Variants in WASHC5 observed in about 807,000 individuals in gnomAD.
WASHC5 encodes WASH complex subunit 5, also known as WASH complex subunit strumpellin.
A neutral mutation model predicts 150.4 loss-of-function variants in WASHC5; 101 were observed. That is an observed-to-expected ratio of 0.67 (90% CI 0.57 to 0.79). The LOEUF (loss-of-function observed/expected upper bound fraction) is 0.79, where lower values mean the gene tolerates loss of function less well. Among genes scored for constraint, WASHC5 ranks in the 30% least tolerant of loss-of-function variants. WASHC5 has a pLI of 0.00. For synonymous variants in WASHC5, 467 were observed against 491.2 expected (o/e 0.95, Z 0.65); for missense variants, 1,195 against 1,396.3 (o/e 0.86, Z 2.30).
chr8:125,042,925 C>A (rs1303800657), intron 23 of WASHC5, among the ~76,000 whole-genome samples: 2 of 152,168 alleles, frequency 1.3e-5, no homozygotes, highest in African/African-American at 4.8e-5. Flanking sequence ...GGCTAAGATA[C>A]CAATGAGTGC....
chr8:125,080,382 C>T (rs780319851), intron 5 of WASHC5, among the ~76,000 whole-genome samples: 42 of 152,122 alleles, frequency 2.8e-4, no homozygotes, highest in Non-Finnish European at 4.6e-4. Flanking sequence ...GTTAAAACAG[C>T]TTGGTCAAAC....
chr8:125,050,799 C>T (rs540786686), intron 17 of WASHC5, 134 bp from the exon 18 acceptor site: 1 of 701,920 alleles, frequency 1.4e-6, no homozygotes, highest in East Asian at 2.7e-5. Flanking sequence ...GAATTTTTTC[C>T]TTTCCTGTCC....
At chr8:125,084,350 A>G (rs558480021) in intron 1 of WASHC5, among the ~76,000 whole-genome samples, 7 of 152,194 alleles carry the variant, frequency 4.6e-5, no homozygotes, top group Non-Finnish European at 1.0e-4. Flanking sequence ...ATCTCCTACT[A>G]TTTGATATAT....
At position 125,084,037 on chromosome 8, in the gene WASHC5, A is replaced by G; in HGVS notation, c.-124-15T>C. 1.3e-6 allele frequency: 1 copy of G among 784,408 alleles called. No individual in the cohort carries two copies. The highest frequency in any genetic ancestry group is 2.7e-5 in the East Asian group (1 of 37,158). 48.6% of individuals were successfully genotyped at this position (784,408 alleles called of 1,614,324 possible). On this transcript the variant is annotated splice_polypyrimidine_tract_variant and intron_variant, in intron 1 of 28. Transcript: ENST00000318410. The stretch of plus-strand genomic sequence containing the variant: ...CATTAAAGAACCTGTATCCCCAAAA[A>G]AAGTGTGAAAATCTCAATTTGTTTA...
chr8:125,036,619 C>G (rs971526369), intron 26 of WASHC5, among the ~76,000 whole-genome samples: 1 of 144,088 alleles, frequency 6.9e-6, no homozygotes, highest in African/African-American at 2.9e-5. Context: ...CCATAGTGAG[C>G]TGAGATTGTG....
rs1817273844 is a variant in WASHC5 at position 125,081,777 on chromosome 8, G to A, written c.418-16C>T. 2 of 1,455,828 alleles carry A rather than the reference G, an allele frequency of 1.4e-6. No individual in the cohort carries two copies. Among genetic ancestry groups the A allele is most frequent in the Non-Finnish European group, 1.9e-6 (2 of 1,036,536 alleles). 90.2% of individuals were successfully genotyped at this position (1,455,828 alleles called of 1,614,324 possible). On this transcript the variant is annotated splice_polypyrimidine_tract_variant and intron_variant, in intron 4 of 28. Coordinates refer to ENST00000318410, the MANE Select transcript of WASHC5 (RefSeq NM_014846.4). ...GTGCTTCACACTAAGAAGAGAAGAGGACAAAAGCCAAAATCACTAGATTAT... is the reference window on the plus strand; with the variant it reads ...GTGCTTCACACTAAGAAGAGAAGAGAACAAAAGCCAAAATCACTAGATTAT...
chr8:125,028,543 T>C, intron 28 of WASHC5, 77 bp downstream of exon 28: 2 of 1,053,274 alleles, frequency 1.9e-6, no homozygotes, highest in South Asian at 1.3e-5. Context: ...TGGGCTTCAC[T>C]CCTGATGAAT....
chr8:125,076,497 A>G lies in WASHC5; in HGVS notation c.715T>C (p.Ser239Pro). The stretch of plus-strand genomic sequence containing the variant: ...CGATGCTCCGGCAAAGGATACGCTG[A>G]GACCTGCAATGTCAAGACGACACCC... Reference protein sequence around the residue: ...LRSDDIYNQVSAYPLPEHRST... With the variant: ...LRSDDIYNQVPAYPLPEHRST... The change falls in exon 7 of 29, where the codon TCA becomes CCA. Residue 239 changes from serine to proline, a missense_variant. Around this residue, in one of 3 missense-constraint regions of WASHC5, gnomAD observed 997 missense variants for 1,168.1 expected, o/e 0.85. Transcript: ENST00000318410. 1 of 1,613,916 alleles carries G rather than the reference A, an allele frequency of 6.2e-7. No homozygotes were observed. The highest frequency in any genetic ancestry group is 8.5e-7 in the Non-Finnish European group (1 of 1,179,954).
rs185365492 is a variant in WASHC5, at chr8:125,073,379, A to G, written c.979-55T>C. On this transcript the variant is annotated intron_variant, in intron 8 of 28. Transcript: ENST00000318410. ...TAAAAAGTCATTTATCTTGAAAATAAATCACATTCAAATGAATTCACTGAC... is the reference window on the plus strand; with the variant it reads ...TAAAAAGTCATTTATCTTGAAAATAGATCACATTCAAATGAATTCACTGAC... The G allele has an allele frequency of 6.4e-6, 9 of 1,411,522 alleles. No homozygotes were observed. The African/African-American group carries it at 1.1e-4, about 18-fold the overall frequency. The allele number at this position is 1,411,522 out of a possible 1,614,324, so 87.4% of individuals were successfully genotyped here. A position where few individuals can be genotyped will look rare whatever the true frequency, so the allele number is the denominator to read the frequency against.
At chr8:125,084,074 G>T in intron 1 of WASHC5, 52 bp from the exon 2 acceptor site, 1 of 635,992 alleles carries the variant, frequency 1.6e-6, no homozygotes, top group Non-Finnish European at 2.8e-6. Flanking sequence ...GGAAGCACAT[G>T]TGTACACATA....
chr8:125,025,759 C>A (rs758219865), intron 28 of WASHC5, among the ~76,000 whole-genome samples: 47 of 151,752 alleles, frequency 3.1e-4, no homozygotes, highest in Admixed American at 1.2e-3. Flanking sequence ...TTTTTTTAAT[C>A]TTAATCCCTT....
chr8:125,058,104 C>G (rs1247644828), intron 14 of WASHC5, among the ~76,000 whole-genome samples: 1 of 150,854 alleles, frequency 6.6e-6, no homozygotes, highest in Non-Finnish European at 1.5e-5. Context: ...CAGATTCTAC[C>G]GAATCTGTCC....
At chr8:125,064,584 G>C (rs1262329324) in intron 10 of WASHC5, among the ~76,000 whole-genome samples, 1 of 150,898 alleles carries the variant, frequency 6.6e-6, no homozygotes. Flanking sequence ...GGGCAGAGAA[G>C]AAACGGGTGT....
chr8:125,025,829 G>GACACACACACACACAC (rs1320625975), intron 28 of WASHC5, among the ~76,000 whole-genome samples: 81 of 116,708 alleles, frequency 6.9e-4, no homozygotes, highest in Middle Eastern at 4.7e-3. Context: ...TACATATGCA[G>GACACACACACACACAC]ACAGACACAC....
intron 28 of WASHC5, among the ~76,000 whole-genome samples, chr8:125,025,446 T>C (rs750897899): frequency 5.4e-4 from 82 of 152,030 alleles, no homozygotes; most frequent in Non-Finnish European, 8.8e-4. Flanking sequence ...TCCTGGCACT[T>C]TGGGAGGCTG....
chr8:125,044,560 G>A lies in WASHC5; in HGVS notation c.2643C>T (p.Cys881=), dbSNP rs1815999245. 3 of 1,614,096 alleles carry A rather than the reference G, an allele frequency of 1.9e-6. No individual in the cohort carries two copies. Among genetic ancestry groups the A allele is most frequent in the South Asian group, 2.2e-5 (2 of 91,084 alleles). ...CCTGTAACTCTTTTACAATCATAAAGCACAGAAGCCTGTCTAAGCCATTTA... is the reference window on the plus strand; with the variant it reads ...CCTGTAACTCTTTTACAATCATAAAACACAGAAGCCTGTCTAAGCCATTTA... ...FGLNGLDRLL[C]FMIVKELQNF... Residue 881 remains cysteine, a synonymous_variant, in exon 21 of 29, where the codon TGC becomes TGT. Transcript: ENST00000318410.
intron 6 of WASHC5, among the ~76,000 whole-genome samples, chr8:125,076,885 C>G: frequency 6.6e-6 from 1 of 152,158 alleles, no homozygotes; most frequent in East Asian, 1.9e-4. Flanking sequence ...TTATTCAACT[C>G]ACTGAAATTC....
At chr8:125,077,096 C>T (rs1219024831) in intron 6 of WASHC5, among the ~76,000 whole-genome samples, 1 of 152,192 alleles carries the variant, frequency 6.6e-6, no homozygotes, top group African/African-American at 2.4e-5. Context: ...TGTTGGTGTT[C>T]CCCAGGGGTT....
intron 17 of WASHC5, among the ~76,000 whole-genome samples, chr8:125,052,551 T>C (rs966897303): frequency 4.6e-5 from 7 of 151,720 alleles, no homozygotes; most frequent in Non-Finnish European, 1.0e-4. Context: ...CGCAAGTATA[T>C]CACACACATA....
Sources: gnomAD v4.1 joint callset for allele counts (sites outside exome capture counted in the v4.1 genomes callset) on GRCh38, gnomAD v4.1.1 for gene constraint, gnomAD v4.1.1 regional missense constraint, MANE v1.5 for transcripts, NCBI Gene and HGNC (gene_info 2026-07-23, HGNC 2026-07-21) for gene names.